LARGE1: variants seen among roughly 807,000 people sequenced by gnomAD.
LARGE1 encodes the protein xylosyl- and glucuronyltransferase LARGE1.
Under a neutral mutation model 87.6 loss-of-function variants are expected in LARGE1, and 43 were observed. That is an observed-to-expected ratio of 0.49 (90% confidence interval 0.38 to 0.63). LARGE1 has a LOEUF of 0.63. Ranked by LOEUF, LARGE1 falls within the 30% of genes least tolerant of loss-of-function variation. The probability of loss-of-function intolerance (pLI) is 0.00; values close to 1 mark genes in which losing one functional copy is unlikely to be tolerated. For missense variants in LARGE1, 802 were observed against 1,000.2 expected, an observed-to-expected ratio of 0.80 and a Z score of 2.67; for synonymous variants, 434 against 394.6, an observed-to-expected ratio of 1.10 and a Z score of -1.18.
chr22:33,345,194 T>C (rs1265776683), intron 9 of LARGE1, among the ~76,000 whole-genome samples: 1 of 152,172 alleles, frequency 6.6e-6, no homozygotes, highest in Admixed American at 6.5e-5. Context: ...CACAACTCTA[T>C]GAGACAAGTG....
At chr22:33,869,095 G>A (rs935846209) in intron 1 of LARGE1, among the ~76,000 whole-genome samples, 4 of 152,054 alleles carry the variant, frequency 2.6e-5, no homozygotes, top group East Asian at 3.9e-4. Context: ...CTTTCTGAAG[G>A]GAGACCCTTT....
intron 1 of LARGE1, among the ~76,000 whole-genome samples, chr22:33,818,108 G>A (rs2086711468): frequency 6.6e-6 from 1 of 152,156 alleles, no homozygotes; most frequent in Non-Finnish European, 1.5e-5. Context: ...GATGGTTCAT[G>A]TCTCCACCCT....
At chr22:33,502,926 C>T (rs1005190075) in intron 6 of LARGE1, among the ~76,000 whole-genome samples, 4 of 152,180 alleles carry the variant, frequency 2.6e-5, no homozygotes, top group Non-Finnish European at 4.4e-5. Context: ...CAGGCTTTTA[C>T]ACATCATATC....
chr22:33,083,458 A>T, the LARGE1 span, among the ~76,000 whole-genome samples: 2 of 152,224 alleles, frequency 1.3e-5, no homozygotes, highest in Admixed American at 1.3e-4. Flanking sequence ...AGGTGTCACT[A>T]TCTTATCTAA....
Position 33,588,812 on chromosome 22 carries a change from C to T in LARGE1, c.615+15623G>A, listed in dbSNP as rs377675885. ...AGTATAAAGGTGATTTAGAAACAAACCCCCACACACAGAAGGGAGGAACAG... is the reference window on the plus strand; with the variant it reads ...AGTATAAAGGTGATTTAGAAACAAATCCCCACACACAGAAGGGAGGAACAG... On this transcript the variant is annotated intron_variant, in intron 5 of 14. Coordinates refer to ENST00000397394, the MANE Select transcript of LARGE1 (RefSeq NM_133642.5). Among the ~76,000 whole-genome samples, 18 of 152,234 alleles carry T rather than the reference C, an allele frequency of 1.2e-4. No homozygotes were observed. In the South Asian group the frequency reaches 2.5e-3, roughly 21 times the overall value.
At chr22:33,845,440 C>G (rs573330595) in intron 1 of LARGE1, among the ~76,000 whole-genome samples, 2 of 152,178 alleles carry the variant, frequency 1.3e-5, no homozygotes, top group East Asian at 3.9e-4. Context: ...TCCTGAGTAG[C>G]TGAGATTACA....
chr22:33,324,566 A>C (rs1432491058), intron 10 of LARGE1, among the ~76,000 whole-genome samples: 1 of 152,186 alleles, frequency 6.6e-6, no homozygotes, highest in Non-Finnish European at 1.5e-5. Flanking sequence ...GGCAGAGGGA[A>C]ATTTGGACCC....
At chr22:33,627,868 C>T (rs16992651) in intron 3 of LARGE1, among the ~76,000 whole-genome samples, 524 of 152,258 alleles carry the variant, frequency 3.4e-3, no homozygotes, top group African/African-American at 0.012. Flanking sequence ...ATGGGCTTGC[C>T]ACATGAGCAG....
chr22:33,610,594 G>A (rs534085086), intron 4 of LARGE1, among the ~76,000 whole-genome samples: 10 of 152,266 alleles, frequency 6.6e-5, no homozygotes, highest in South Asian at 2.1e-4. Context: ...TGGAAATTTC[G>A]TAGCCTAACC....
At chr22:33,847,012 C>A (rs1035602381) in intron 1 of LARGE1, among the ~76,000 whole-genome samples, 6 of 152,164 alleles carry the variant, frequency 3.9e-5, no homozygotes, top group Non-Finnish European at 8.8e-5. Context: ...ACACCCTATT[C>A]GTACACTCCC....
intron 2 of LARGE1, among the ~76,000 whole-genome samples, chr22:33,662,602 G>T (rs1051159112): frequency 1.3e-5 from 2 of 152,188 alleles, no homozygotes; most frequent in East Asian, 1.9e-4. Context: ...AAATGATGGG[G>T]CTGGTAAAAA....
chr22:33,639,045 A>T (rs2080353067), intron 3 of LARGE1, among the ~76,000 whole-genome samples: 1 of 152,208 alleles, frequency 6.6e-6, no homozygotes, highest in South Asian at 2.1e-4. Flanking sequence ...AACAGAATCC[A>T]CTATCAGCAG....
chr22:33,391,798 C>G (rs1401900335), intron 7 of LARGE1, among the ~76,000 whole-genome samples: 1 of 123,792 alleles, frequency 8.1e-6, no homozygotes, highest in East Asian at 2.6e-4. Context: ...GAGACGGAGT[C>G]TTGCACTGTC....
the LARGE1 span, among the ~76,000 whole-genome samples, chr22:33,120,159 C>G: frequency 3.9e-5 from 6 of 151,928 alleles, no homozygotes; most frequent in Non-Finnish European, 2.9e-5. Context: ...TACATACACA[C>G]ACTCTCTTAA....
At chr22:33,582,405 A>C in intron 5 of LARGE1, among the ~76,000 whole-genome samples, 1 of 135,018 alleles carries the variant, frequency 7.4e-6, no homozygotes, top group East Asian at 2.0e-4. Context: ...TTGAAAGAGG[A>C]AAAAAAAAAA....
intron 1 of LARGE1, among the ~76,000 whole-genome samples, chr22:33,765,831 A>G (rs2084885126): frequency 6.6e-6 from 1 of 152,042 alleles, no homozygotes; most frequent in Admixed American, 6.6e-5. Flanking sequence ...AAACTCTTTA[A>G]TAAGATACTT....
intron 2 of LARGE1, among the ~76,000 whole-genome samples, chr22:33,703,355 G>GAAAAAAAAAAA (rs780406393): frequency 1.2e-5 from 1 of 86,650 alleles, no homozygotes; most frequent in Non-Finnish European, 2.5e-5. Context: ...AGCCTAAAGT[G>GAAAAAAAAAAA]AAAAAAAAAA....
intron 6 of LARGE1, among the ~76,000 whole-genome samples, chr22:33,516,199 C>A (rs554750624): frequency 6.6e-6 from 1 of 152,234 alleles, no homozygotes; most frequent in East Asian, 1.9e-4. Flanking sequence ...AGGGCTAGGG[C>A]TATCTGGGGA....
At chr22:33,177,738 T>A (rs1922950676) in intron 11 of LARGE1, among the ~76,000 whole-genome samples, 1 of 152,160 alleles carries the variant, frequency 6.6e-6, no homozygotes, top group African/African-American at 2.4e-5. Flanking sequence ...GTGAAAAGGA[T>A]CAACTCAGAA....
Sources: gnomAD v4.1 joint callset for allele counts (sites outside exome capture counted in the v4.1 genomes callset) on GRCh38, gnomAD v4.1.1 for gene constraint, MANE v1.5 for transcripts, NCBI Gene and HGNC (gene_info 2026-07-23, HGNC 2026-07-21) for gene names.